Variants in LEFTY2 observed in about 807,000 individuals in gnomAD.
LEFTY2 encodes the protein left-right determination factor 2.
In LEFTY2, 10 loss-of-function variants were observed where a neutral mutation model predicts 26.4. The ratio of observed to expected loss-of-function variants is 0.38; its 90% confidence interval spans 0.23 to 0.64. The LOEUF (loss-of-function observed/expected upper bound fraction) is 0.64. LEFTY2 is among the 30% of genes least tolerant of loss of function. The pLI, the probability that LEFTY2 is intolerant of heterozygous loss-of-function variation, is 0.56. For synonymous variants in LEFTY2, 204 were observed against 234.1 expected (o/e 0.87, Z 1.17); for missense variants, 407 against 502.1 (o/e 0.81, Z 1.81).
chr1:225,938,633 G>A (rs905337044), intron 3 of LEFTY2, among the ~76,000 whole-genome samples: 11 of 151,518 alleles, frequency 7.3e-5, no homozygotes, highest in African/African-American at 2.2e-4. Context: ...GATTACAGGC[G>A]TGAGCCACCA....
chr1:225,938,308 T>C (rs1323645225), intron 3 of LEFTY2, among the ~76,000 whole-genome samples: 1 of 152,222 alleles, frequency 6.6e-6, no homozygotes, highest in African/African-American at 2.4e-5. Flanking sequence ...TCGCCCCTAG[T>C]AACAGCTAAA....
chr1:225,941,108 C>G lies in LEFTY2; in HGVS notation c.33G>C (p.Trp11Cys), dbSNP rs1226462385. Residue 11 changes from tryptophan (W) to cysteine (C), a missense_variant, in exon 1 of 4, where the codon TGG (tryptophan) becomes TGC (cysteine). By Grantham distance (215) the Trp-to-Cys change is radical (BLOSUM62 -2). Transcript: ENST00000366820. ...CCCCGGGGCCAGCCAGGGGCAGCAC[C>G]CAGAGTGCCCAGCAGAGCCACAGGG... is the stretch of plus-strand genomic sequence containing the variant. MWPLWLCWAL[W>C]VLPLAGPGAA... 6.3e-7 allele frequency: 1 copy of G among 1,582,670 alleles called. No individual in the cohort carries two copies. The highest frequency in any genetic ancestry group is 1.3e-5 in the African/African-American group (1 of 74,414).
rs986533506 is a variant in LEFTY2, at chr1:225,936,849, T to C, written c.*592A>G. On this transcript the variant is annotated 3_prime_UTR_variant, in exon 4 of 4. Coordinates refer to ENST00000366820, the MANE Select transcript of LEFTY2 (RefSeq NM_003240.5). ...CCAGCTCCTCCTTTTTAAGAGGAAA[T>C]GACGAGCCAAAGCCTTCTGCGTTTG... 6.4e-6 allele frequency: 1 copy of C among 155,366 alleles called. No homozygotes were observed. The highest frequency in any genetic ancestry group is 2.4e-5 in the African/African-American group (1 of 41,416). 9.6% of individuals were successfully genotyped at this position (155,366 alleles called of 1,614,324 possible).
Position 225,939,021 on chromosome 1 carries a change from G to A in LEFTY2, c.737+340C>T, listed in dbSNP as rs1251944990. On this transcript the variant is annotated intron_variant, in intron 3 of 3. Coordinates refer to ENST00000366820, the MANE Select transcript of LEFTY2 (RefSeq NM_003240.5). This position sits in a 1 kb window ranked among gnomAD's most constrained non-coding sequence, Gnocchi z 4.1. ...TGAGTAGCTGGGATTACAGGCACGC[G>A]CCACCACGCCCGGCTAATTTTTGTA... Among the ~76,000 whole-genome samples the A allele has an allele frequency of 6.6e-6, 1 of 151,732 alleles. No individual in the cohort carries two copies. The highest frequency in any genetic ancestry group is 1.9e-4 in the East Asian group (1 of 5,166).
intron 3 of LEFTY2, among the ~76,000 whole-genome samples, chr1:225,938,366 T>C (rs1236773241): frequency 1.3e-5 from 2 of 152,228 alleles, no homozygotes; most frequent in Non-Finnish European, 2.9e-5. Context: ...AAAGTGAAAG[T>C]AGATGATTAC....
Position 225,940,944 on chromosome 1 carries a change from C to G in LEFTY2, c.197G>C (p.Arg66Pro), listed in dbSNP as rs745994230. Residue 66 changes from arginine to proline, a missense_variant, in exon 1 of 4, where the codon CGG becomes CCG. Arg to Pro is a moderately radical substitution (Grantham distance 103). Transcript: ENST00000366820. ...HVRAQYVVLLRRSHGDRSRGK... is the reference protein window; with the variant it reads ...HVRAQYVVLLPRSHGDRSRGK... Reference sequence around the variant, plus strand: ...GCGGGAGCGGTCCCCGTGGCTGCGCCGCAGCAGGACTACATACTGGGCCCT... The same window carrying G: ...GCGGGAGCGGTCCCCGTGGCTGCGCGGCAGCAGGACTACATACTGGGCCCT... 1.2e-6 allele frequency: 2 copies of G among 1,613,658 alleles called. No individual in the cohort carries two copies. The highest frequency in any genetic ancestry group is 1.1e-5 in the South Asian group (1 of 91,070).
Position 225,939,267 on chromosome 1 carries a change from A to T in LEFTY2, c.737+94T>A, listed in dbSNP as rs780777013. 20 of 1,578,148 alleles carry T rather than the reference A, an allele frequency of 1.3e-5. No individual in the cohort carries two copies. Among genetic ancestry groups the T allele is most frequent in the Admixed American group, 1.8e-5 (1 of 55,488 alleles). On this transcript the variant is annotated intron_variant, in intron 3 of 3. Coordinates refer to ENST00000366820, the MANE Select transcript of LEFTY2 (RefSeq NM_003240.5). This position sits in a 1 kb window ranked among gnomAD's most constrained non-coding sequence, Gnocchi z 4.1. ...ACCGCGCTCTCCCTACCCCTAGCCC[A>T]CCGCCACCATCCGGTCCCCCAGACA...
chr1:225,939,373 A>G lies in LEFTY2; in HGVS notation c.725T>C (p.Leu242Pro), dbSNP rs1188312608. ...EPQLELHTLD[L>P]RDYGAQGDCD... ...GTCCTGCACCTACCCATAGTCCCTG[A>G]GGTCCAGGGTGTGCAGCTCCAGCTG... The change falls in exon 3 of 4, where the codon CTC becomes CCC. Residue 242 changes from leucine (L) to proline (P), a missense_variant. Leu to Pro is a moderately conservative substitution (Grantham distance 98). Coordinates refer to ENST00000366820, the MANE Select transcript of LEFTY2 (RefSeq NM_003240.5). The surrounding 1 kb of genome is among the most constrained non-coding windows in gnomAD (Gnocchi z 4.1). 6.2e-7 allele frequency: 1 copy of G among 1,613,732 alleles called. No homozygotes were observed. Among genetic ancestry groups the G allele is most frequent in the Admixed American group, 1.7e-5 (1 of 60,006 alleles).
At chr1:225,938,808 G>A (rs1287355963) in intron 3 of LEFTY2, among the ~76,000 whole-genome samples, 1 of 151,544 alleles carries the variant, frequency 6.6e-6, no homozygotes, top group African/African-American at 2.4e-5. Context: ...ACAGGCATGA[G>A]CCACTGCGCC....
In LEFTY2 at chr1:225,937,520, A is replaced by G. The variant is rs1189849636; in HGVS notation, c.1022T>C (p.Val341Ala). The G allele has an allele frequency of 6.2e-7, 1 of 1,613,986 alleles. No homozygotes were observed. Among genetic ancestry groups the G allele is most frequent in the Non-Finnish European group, 8.5e-7 (1 of 1,180,034 alleles). Reference sequence around the variant, plus strand: ...CTGCACCCTCATGTTGGGCAGGCTGACCACCTGGGGCCTGGTCCTGCCTCC... The same window carrying G: ...CTGCACCCTCATGTTGGGCAGGCTGGCCACCTGGGGCCTGGTCCTGCCTCC... ...KEGGRTRPQV[V>A]SLPNMRVQKC... The change falls in exon 4 of 4, where the codon GTC becomes GCC. Residue 341 changes from valine to alanine, a missense_variant. Transcript: ENST00000366820.
Position 225,939,425 on chromosome 1 carries a change from C to T in LEFTY2, c.673G>A (p.Gly225Arg), listed in dbSNP as rs1672245198. 1 of 1,612,096 alleles carries T rather than the reference C, an allele frequency of 6.2e-7. No individual in the cohort carries two copies. The highest frequency in any genetic ancestry group is 1.3e-5 in the African/African-American group (1 of 75,022). ...GGCTCCCCAAGCCCGGCTGGCGCCCCCTGCGAGGCAAAGCGGACCAGCTTG... is the reference window on the plus strand; with the variant it reads ...GGCTCCCCAAGCCCGGCTGGCGCCCTCTGCGAGGCAAAGCGGACCAGCTTG... Reference protein sequence around the residue: ...AHKLVRFASQGAPAGLGEPQL... With the variant: ...AHKLVRFASQRAPAGLGEPQL... The change falls in exon 3 of 4, where the codon GGG becomes AGG. Residue 225 changes from glycine to arginine, a missense_variant. By Grantham distance (125) the Gly-to-Arg change is moderately radical. Coordinates refer to ENST00000366820, the MANE Select transcript of LEFTY2 (RefSeq NM_003240.5). The surrounding 1 kb of genome is among the most constrained non-coding windows in gnomAD (Gnocchi z 4.1).
In LEFTY2 at chr1:225,940,941, C is replaced by T. The variant is rs757490152; in HGVS notation, c.200G>A (p.Arg67His). ...TCCGCGGGAGCGGTCCCCGTGGCTG[C>T]GCCGCAGCAGGACTACATACTGGGC... ...VRAQYVVLLR[R>H]SHGDRSRGKR... Residue 67 changes from arginine (R) to histidine (H), a missense_variant, in exon 1 of 4, where the codon CGC becomes CAC. By Grantham distance (29) the Arg-to-His change is conservative. Transcript: ENST00000366820. The T allele has an allele frequency of 2.4e-5, 38 of 1,613,534 alleles. No homozygotes were observed. Among genetic ancestry groups the T allele is most frequent in the South Asian group, 7.7e-5 (7 of 91,078 alleles).
chr1:225,938,852 C>G, intron 3 of LEFTY2, among the ~76,000 whole-genome samples: 1 of 137,468 alleles, frequency 7.3e-6, no homozygotes, highest in South Asian at 2.3e-4. Context: ...TTTTTCTTTT[C>G]TTTTCTTTGT....
In LEFTY2 at chr1:225,939,411, C is replaced by G; in HGVS notation, c.687G>C (p.Gly229=). Residue 229 remains glycine, a synonymous_variant, in exon 3 of 4, where the codon GGG becomes GGC. Transcript: ENST00000366820. This position sits in a 1 kb window ranked among gnomAD's most constrained non-coding sequence, Gnocchi z 4.1. ...GCAGCTCCAGCTGGGGCTCCCCAAG[C>G]CCGGCTGGCGCCCCCTGCGAGGCAA... ...VRFASQGAPA[G]LGEPQLELHT... 1.2e-6 allele frequency: 2 copies of G among 1,612,980 alleles called. No individual in the cohort carries two copies. Among genetic ancestry groups the G allele is most frequent in the Non-Finnish European group, 1.7e-6 (2 of 1,179,682 alleles).
Position 225,941,209 on chromosome 1 carries a change from G to C in LEFTY2, c.-69C>G. On this transcript the variant is annotated 5_prime_UTR_variant, in exon 1 of 4. Coordinates refer to ENST00000366820, the MANE Select transcript of LEFTY2 (RefSeq NM_003240.5). ...TAGGGAGGTTGAAGGAGGGTCTCAG[G>C]CAGCTGGGTGTGCTGAGAGCCAGGC... 1.4e-6 allele frequency: 2 copies of C among 1,417,220 alleles called. No individual in the cohort carries two copies. Among genetic ancestry groups the C allele is most frequent in the Non-Finnish European group, 1.9e-6 (2 of 1,079,114 alleles). 87.8% of individuals were successfully genotyped at this position (1,417,220 alleles called of 1,614,324 possible).
At position 225,937,297 on chromosome 1, in the gene LEFTY2, A is replaced by G; in HGVS notation, c.*144T>C. Reference sequence around the variant, plus strand: ...AGGATGGGTGATGGACGGGAAAGACAGGAAATGGAAGGACACAGGGCGAAG... The same window carrying G: ...AGGATGGGTGATGGACGGGAAAGACGGGAAATGGAAGGACACAGGGCGAAG... On this transcript the variant is annotated 3_prime_UTR_variant, in exon 4 of 4. Coordinates refer to ENST00000366820, the MANE Select transcript of LEFTY2 (RefSeq NM_003240.5). 1 of 1,334,164 alleles carries G rather than the reference A, an allele frequency of 7.5e-7. No homozygotes were observed. The highest frequency in any genetic ancestry group is 1.1e-6 in the Non-Finnish European group (1 of 948,692). The allele number at this position is 1,334,164 out of a possible 1,614,324, so 82.6% of individuals were successfully genotyped here.
intron 3 of LEFTY2, among the ~76,000 whole-genome samples, chr1:225,938,699 T>C (rs1401856687): frequency 6.6e-6 from 1 of 151,826 alleles, no homozygotes; most frequent in Non-Finnish European, 1.5e-5. Context: ...TTTTTTTATT[T>C]ATTTTTTTAA....
In LEFTY2 at chr1:225,941,175, G is replaced by C; in HGVS notation, c.-35C>G. ...CTGGGGGAGCAGGAGGCAGAGTGGG[G>C]CTGTCCTCTAGGGAGGTTGAAGGAG... On this transcript the variant is annotated 5_prime_UTR_variant, in exon 1 of 4. Coordinates refer to ENST00000366820, the MANE Select transcript of LEFTY2 (RefSeq NM_003240.5). 4 of 1,515,286 alleles carry C rather than the reference G, an allele frequency of 2.6e-6. No individual in the cohort carries two copies. Among genetic ancestry groups the C allele is most frequent in the African/African-American group, 1.4e-5 (1 of 72,634 alleles). The allele number at this position is 1,515,286 out of a possible 1,614,324, so 93.9% of individuals were successfully genotyped here. A position where few individuals can be genotyped will look rare whatever the true frequency, so the allele number is the denominator to read the frequency against.
chr1:225,937,573 C>T lies in LEFTY2; in HGVS notation c.969G>A (p.Ser323=), dbSNP rs78074131. 10 of 1,614,062 alleles carry T rather than the reference C, an allele frequency of 6.2e-6. No individual in the cohort carries two copies. Among genetic ancestry groups the T allele is most frequent in the Admixed American group, 5.0e-5 (3 of 60,026 alleles). ...PRQCIASETA[S]LPMIVSIKEG... is the part of the protein sequence containing the mutation. ...CCTTGATGCTGACGATCATGGGCAGCGAGGCAGTCTCCGAGGCGATACACT... is the reference window on the plus strand; with the variant it reads ...CCTTGATGCTGACGATCATGGGCAGTGAGGCAGTCTCCGAGGCGATACACT... Residue 323 remains serine (S), a synonymous_variant, in exon 4 of 4, where the codon TCG becomes TCA. Transcript: ENST00000366820.
Sources: gnomAD v4.1 joint callset for allele counts (sites outside exome capture counted in the v4.1 genomes callset) on GRCh38, gnomAD v4.1.1 for gene constraint, Gnocchi (gnomAD v3.1) non-coding constraint, MANE v1.5 for transcripts, NCBI Gene and HGNC (gene_info 2026-07-23, HGNC 2026-07-21) for gene names.